The following AGBL4 variants were observed in gnomAD, a reference collection of about 807,000 sequenced individuals.
The protein encoded by AGBL4 is cytosolic carboxypeptidase 6.
In AGBL4, 58 loss-of-function variants were observed where a neutral mutation model predicts 66.4. The ratio of observed to expected loss-of-function variants is 0.87; its 90% confidence interval spans 0.71 to 1.09. AGBL4 has a LOEUF of 1.09. AGBL4 is among the 50% of genes least tolerant of loss of function. The pLI is 0.00. For synonymous variants in AGBL4, 234 were observed against 222.9 expected (o/e 1.05, Z -0.44); for missense variants, 579 against 631.0 (o/e 0.92, Z 0.88).
At chr1:48,544,377 A>C (rs1337974368) in intron 11 of AGBL4, among the ~76,000 whole-genome samples, 2 of 152,208 alleles carry the variant, frequency 1.3e-5, no homozygotes, top group African/African-American at 4.8e-5. Flanking sequence ...AGATTGCAGC[A>C]AACATTGTGG....
At chr1:49,637,656 T>G in intron 3 of AGBL4, among the ~76,000 whole-genome samples, 1 of 152,236 alleles carries the variant, frequency 6.6e-6, no homozygotes, top group South Asian at 2.1e-4. Flanking sequence ...ATGTTATATT[T>G]AAATTAAAAA....
chr1:50,012,132 A>C (rs987525170), intron 1 of AGBL4, among the ~76,000 whole-genome samples: 1 of 150,748 alleles, frequency 6.6e-6, no homozygotes, highest in African/African-American at 2.4e-5. Context: ...GCAGTCCGCA[A>C]TCCGGCCTGG....
At chr1:49,682,903 C>T (rs1268675777) in intron 3 of AGBL4, among the ~76,000 whole-genome samples, 1 of 152,168 alleles carries the variant, frequency 6.6e-6, no homozygotes, top group Admixed American at 6.5e-5. Context: ...ATATTAAGTG[C>T]TATGATTGAA....
At chr1:48,643,281 C>T (rs76325449) in intron 8 of AGBL4, among the ~76,000 whole-genome samples, 2,218 of 152,284 alleles carry the variant, frequency 0.015, 65 homozygotes, top group African/African-American at 0.05. Context: ...TGTGGGCTGA[C>T]GCATTTCTGC....
intron 3 of AGBL4, among the ~76,000 whole-genome samples, chr1:49,435,760 G>T (rs943936218): frequency 6.6e-6 from 1 of 152,064 alleles, no homozygotes; most frequent in African/African-American, 2.4e-5. Flanking sequence ...GGGAAGGTTT[G>T]GTAGCTTGGG....
chr1:48,752,116 C>G (rs1466893519), intron 6 of AGBL4, among the ~76,000 whole-genome samples: 1 of 152,170 alleles, frequency 6.6e-6, no homozygotes, highest in Non-Finnish European at 1.5e-5. Flanking sequence ...GACTGTGGGC[C>G]TCTTAGGCCT....
At chr1:48,566,452 T>C (rs1210718031) in intron 11 of AGBL4, among the ~76,000 whole-genome samples, 4 of 152,226 alleles carry the variant, frequency 2.6e-5, no homozygotes, top group African/African-American at 4.8e-5. Context: ...ACAGATCCTT[T>C]TGGATGGTCT....
At chr1:49,245,661 AATTTTT>A (rs1651584085) in intron 4 of AGBL4, 103 bp downstream of exon 4, 2 of 733,442 alleles carry the variant, frequency 2.7e-6, no homozygotes, top group Non-Finnish European at 4.4e-6. Context: ...TTCTTTTAAA[AATTTTT>A]ATTTTTAATT....
intron 4 of AGBL4, among the ~76,000 whole-genome samples, chr1:49,171,317 G>C (rs1200821227): frequency 6.6e-6 from 1 of 152,098 alleles, no homozygotes; most frequent in African/African-American, 2.4e-5. Flanking sequence ...ACAGATATGA[G>C]GTCTGAATAT....
intron 3 of AGBL4, among the ~76,000 whole-genome samples, chr1:49,577,540 C>A (rs1202805234): frequency 6.6e-6 from 1 of 152,210 alleles, no homozygotes; most frequent in African/African-American, 2.4e-5. Flanking sequence ...GAGGTTTGTC[C>A]TCACTGGAAT....
At chr1:49,985,303 A>G (rs1432110634) in intron 1 of AGBL4, among the ~76,000 whole-genome samples, 1 of 152,194 alleles carries the variant, frequency 6.6e-6, no homozygotes, top group African/African-American at 2.4e-5. Flanking sequence ...CGAATCCAAG[A>G]GGAAGGTGAC....
chr1:49,935,578 G>A (rs1653898645), intron 1 of AGBL4, among the ~76,000 whole-genome samples: 1 of 152,160 alleles, frequency 6.6e-6, no homozygotes, highest in Admixed American at 6.5e-5. Flanking sequence ...TAACTGGGAG[G>A]CACCCCCCCA....
intron 5 of AGBL4, among the ~76,000 whole-genome samples, chr1:48,984,374 G>C (rs1257132468): frequency 6.6e-6 from 1 of 151,182 alleles, no homozygotes; most frequent in African/African-American, 2.4e-5. Flanking sequence ...CTCCCACAGG[G>C]ACCTGAACAG....
intron 5 of AGBL4, among the ~76,000 whole-genome samples, chr1:48,955,951 C>T (rs545371281): frequency 6.6e-6 from 1 of 152,212 alleles, no homozygotes; most frequent in Non-Finnish European, 1.5e-5. Flanking sequence ...ATTATTATTA[C>T]CTTGCTAGAC....
chr1:49,255,409 G>GA (rs1448729474), intron 3 of AGBL4, among the ~76,000 whole-genome samples: 1 of 151,974 alleles, frequency 6.6e-6, no homozygotes, highest in Non-Finnish European at 1.5e-5. Context: ...AAAAATCATG[G>GA]AAAAAAGCTC....
In AGBL4 at chr1:48,998,028, C is replaced by T. The variant is rs1377176459; in HGVS notation, c.594+47556G>A. On this transcript the variant is annotated intron_variant, in intron 5 of 13. Transcript: ENST00000371839. ...TGGGTATTCCAAAAACAGAAAGAAC[C>T]CTTTAGGTTGGGTAGTCAGAGAAAG... Among the ~76,000 whole-genome samples, 3 of 152,100 alleles carry T rather than the reference C, an allele frequency of 2.0e-5. No individual in the cohort carries two copies. In the East Asian group the frequency reaches 5.8e-4, roughly 29 times the overall value.
chr1:48,685,067 GT>G (rs968945483), intron 6 of AGBL4, among the ~76,000 whole-genome samples: 1 of 152,182 alleles, frequency 6.6e-6, no homozygotes, highest in African/African-American at 2.4e-5. Context: ...CAGAGACATG[GT>G]GCATGGTGCA....
At chr1:49,841,162 A>G (rs1268075623) in intron 2 of AGBL4, among the ~76,000 whole-genome samples, 2 of 152,230 alleles carry the variant, frequency 1.3e-5, no homozygotes, top group African/African-American at 2.4e-5. Context: ...AGGTTTCACA[A>G]TATCAACATA....
chr1:49,177,294 C>G (rs539734667), intron 4 of AGBL4, among the ~76,000 whole-genome samples: 2 of 152,280 alleles, frequency 1.3e-5, no homozygotes, highest in African/African-American at 4.8e-5. Flanking sequence ...ACTTGACTAG[C>G]TTTTCCTAGC....
Sources: gnomAD v4.1 joint callset for allele counts (sites outside exome capture counted in the v4.1 genomes callset) on GRCh38, gnomAD v4.1.1 for gene constraint, MANE v1.5 for transcripts, NCBI Gene and HGNC (gene_info 2026-07-23, HGNC 2026-07-21) for gene names.